Variants in SGSM1 observed in about 807,000 individuals in gnomAD.
The protein encoded by SGSM1 is small G protein signaling modulator 1, also known as RUN and TBC1 domain containing 2.
SGSM1 carries 73 observed loss-of-function variants against 133.8 expected under a neutral mutation model. The observed-to-expected ratio is 0.55, with a 90% CI of 0.45 to 0.66. The LOEUF is 0.66. Ranked by LOEUF, SGSM1 falls within the 30% of genes least tolerant of loss-of-function variation. The pLI is 0.00. For synonymous variants in SGSM1, 563 were observed against 573.0 expected (o/e 0.98, Z 0.25); for missense variants, 1,213 against 1,448.1 (o/e 0.84, Z 2.64).
chr22:24,880,539 C>T (rs1569160578), intron 14 of SGSM1, among the ~76,000 whole-genome samples: 5 of 152,204 alleles, frequency 3.3e-5, no homozygotes, highest in Admixed American at 2.6e-4. Context: ...TTAATACAAC[C>T]TGCATGGGTC....
intron 8 of SGSM1, among the ~76,000 whole-genome samples, chr22:24,858,644 AAAAAAAAAAAAAG>A (rs1478198503): frequency 1.7e-5 from 2 of 115,578 alleles, no homozygotes; most frequent in Admixed American, 1.6e-4. Flanking sequence ...TCAAAAAAAA[AAAAAAAAAAAAAG>A]AAGAAAGACA....
At chr22:24,862,308 C>T (rs1931203395) in intron 9 of SGSM1, among the ~76,000 whole-genome samples, 1 of 152,088 alleles carries the variant, frequency 6.6e-6, no homozygotes, top group Non-Finnish European at 1.5e-5. Flanking sequence ...GGAGGGGTCC[C>T]AGGGGTGCTC....
rs1229387459 is a variant in SGSM1, at chr22:24,924,529, AGGTGGAGGTTGTT to A, written c.*264_*276del. On this transcript the variant is annotated 3_prime_UTR_variant, in exon 25 of 25. Transcript: ENST00000400358. ...AAGTCTGGCGTTCCTCCCTTGCAGG[AGGTGGAGGTTGTT>A]GGTGGAGGAGGAGCCATCTTTGTTT... 21 of 502,302 alleles carry A rather than the reference AGGTGGAGGTTGTT, an allele frequency of 4.2e-5. No individual in the cohort carries two copies. Among genetic ancestry groups the A allele is most frequent in the Non-Finnish European group, 7.2e-5 (20 of 279,052 alleles). 31.1% of individuals were successfully genotyped at this position (502,302 alleles called of 1,614,324 possible).
chr22:24,820,895 A>G lies in SGSM1; in HGVS notation c.63+14411A>G, dbSNP rs190475709. Among the ~76,000 whole-genome samples the G allele has an allele frequency of 1.8e-3, 278 of 152,356 alleles. 2 individuals carry two copies. Among genetic ancestry groups the G allele is most frequent in the African/African-American group, 6.4e-3 (265 of 41,584 alleles). On this transcript the variant is annotated intron_variant, in intron 2 of 24. Transcript: ENST00000400358. ...ATGAAGAAATGCGATGAATTCAGAA[A>G]TGGATGAGAAAACAGCAATGCAGTG...
Position 24,884,210 on chromosome 22 carries a change from C to A in SGSM1, c.1641+12C>A. The A allele has an allele frequency of 6.2e-7, 1 of 1,610,166 alleles. No individual in the cohort carries two copies. On this transcript the variant is annotated intron_variant, in intron 15 of 24. Transcript: ENST00000400358. ...TTCACGACAGCACAGTAAGGCTTAG[C>A]TGGGCTTGGTCTGCAGTGATGCAGA...
intron 2 of SGSM1, among the ~76,000 whole-genome samples, chr22:24,822,216 G>T (rs1008079139): frequency 1.3e-5 from 2 of 148,262 alleles, no homozygotes; most frequent in African/African-American, 5.0e-5. Context: ...TCAGCCTCCC[G>T]AGTAGCTGGG....
intron 9 of SGSM1, among the ~76,000 whole-genome samples, chr22:24,866,074 C>A (rs1255093293): frequency 6.6e-6 from 1 of 152,258 alleles, no homozygotes; most frequent in East Asian, 1.9e-4. Context: ...TCCATGGCCA[C>A]CACAAAGCCC....
chr22:24,866,815 G>A (rs1601937846), intron 9 of SGSM1, among the ~76,000 whole-genome samples: 1 of 152,216 alleles, frequency 6.6e-6, no homozygotes, highest in East Asian at 1.9e-4. Context: ...GGCCAGGCCT[G>A]GGTCAGGTGG....
rs146302282 is a variant in SGSM1 at position 24,822,813 on chromosome 22, T to C, written c.63+16329T>C. ...AACATGGGGCTCCAGAGCAAGAGAC[T>C]TTGATTTAAGTCCCAGCCTCCTCAC... On this transcript the variant is annotated intron_variant, in intron 2 of 24. Transcript: ENST00000400358. Among the ~76,000 whole-genome samples, 5 of 152,338 alleles carry C rather than the reference T, an allele frequency of 3.3e-5. No homozygotes were observed. The East Asian group carries it at 9.6e-4, about 29-fold the overall frequency.
chr22:24,869,072 G>T (rs1012821392), intron 12 of SGSM1, among the ~76,000 whole-genome samples: 8 of 152,268 alleles, frequency 5.3e-5, no homozygotes, highest in South Asian at 4.1e-4. Flanking sequence ...AGGAGAGGTG[G>T]CCTGGGGTAG....
intron 22 of SGSM1, among the ~76,000 whole-genome samples, chr22:24,915,361 C>T (rs1448063465): frequency 2.0e-5 from 3 of 152,234 alleles, no homozygotes; most frequent in Non-Finnish European, 2.9e-5. Context: ...AGAGGGAATG[C>T]ACATCCTCAG....
In SGSM1 at chr22:24,907,911, CAAAAAAAAAAA is replaced by C. The variant is rs796505229; in HGVS notation, c.2818+2738_2818+2748del. ...TAGGTGACAGAGCAAGACGCCATCT[CAAAAAAAAAAA>C]AAAAAAAAAAAAAGATGTTGCAGGA... On this transcript the variant is annotated intron_variant, in intron 21 of 24. Transcript: ENST00000400358. 8.8e-5 allele frequency among the ~76,000 whole-genome samples: 5 copies of C among 57,070 alleles called. 1 individual carries two copies. The highest frequency in any genetic ancestry group is 3.2e-4 in the African/African-American group (5 of 15,820). The allele number at this position is 57,070 out of a possible 152,430, so 37.4% of individuals were successfully genotyped here. A position where few individuals can be genotyped will look rare whatever the true frequency, so the allele number is the denominator to read the frequency against.
At chr22:24,812,321 G>A (rs1927801277) in intron 2 of SGSM1, among the ~76,000 whole-genome samples, 1 of 152,188 alleles carries the variant, frequency 6.6e-6, no homozygotes, top group Admixed American at 6.5e-5. Flanking sequence ...CTAAGGGAGA[G>A]AACCATCATC....
chr22:24,817,351 C>CT (rs61046307), intron 2 of SGSM1, among the ~76,000 whole-genome samples: 85,147 of 149,202 alleles, frequency 0.57, 25,009 homozygotes, highest in East Asian at 0.82. Flanking sequence ...AGATCCTCAG[C>CT]TTTTTTTTTC....
Position 24,921,104 on chromosome 22 carries a change from C to CT in SGSM1, c.3193+1124dup, listed in dbSNP as rs879437883. ...TTTCAACTATTGTCTTTCATATAAT[C>CT]TTTTTTTTTTTTTGAGACGGAGTCT... On this transcript the variant is annotated intron_variant, in intron 24 of 24. Transcript: ENST00000400358. 2.4e-3 allele frequency among the ~76,000 whole-genome samples: 350 copies of CT among 146,120 alleles called. 1 individual carries two copies. The highest frequency in any genetic ancestry group is 3.5e-3 in the Non-Finnish European group (228 of 66,072).
At chr22:24,824,476 TC>T (rs977540765) in intron 2 of SGSM1, among the ~76,000 whole-genome samples, 7 of 151,928 alleles carry the variant, frequency 4.6e-5, no homozygotes, top group Non-Finnish European at 1.0e-4. Context: ...AATACTCCTG[TC>T]CCCACCCCAT....
intron 5 of SGSM1, among the ~76,000 whole-genome samples, chr22:24,851,127 A>AG (rs1193700449): frequency 2.0e-5 from 3 of 151,584 alleles, no homozygotes; most frequent in Non-Finnish European, 2.9e-5. Flanking sequence ...AAAGAAAAAA[A>AG]GAAAATGCAT....
At chr22:24,843,103 G>A (rs767935202) in intron 2 of SGSM1, among the ~76,000 whole-genome samples, 3 of 152,128 alleles carry the variant, frequency 2.0e-5, no homozygotes, top group African/African-American at 4.8e-5. Flanking sequence ...TGAGTGGTCC[G>A]GTTTGCCTCC....
In SGSM1 at chr22:24,855,872, T is replaced by C. The variant is rs116523068; in HGVS notation, c.801+192T>C. ...ACGCACCCATCCTTACATCCATCCA[T>C]CCACCCATTGTTATATCCATCCATC... On this transcript the variant is annotated intron_variant, in intron 8 of 24. Transcript: ENST00000400358. 3,115 of 827,326 alleles carry C rather than the reference T, an allele frequency of 3.8e-3. 72 individuals carry two copies. The African/African-American group carries it at 0.045, about 12-fold the overall frequency. 51.2% of individuals were successfully genotyped at this position (827,326 alleles called of 1,614,324 possible).
Sources: allele counts gnomAD v4.1 joint callset (sites outside exome capture counted in the v4.1 genomes callset), GRCh38; gene constraint gnomAD v4.1.1; transcripts MANE v1.5; gene names NCBI Gene and HGNC (gene_info 2026-07-23, HGNC 2026-07-21).